CHRDL1: variants seen among roughly 807,000 people sequenced by gnomAD.
CHRDL1 encodes chordin-like protein 1.
In CHRDL1, 19 loss-of-function variants were observed where a neutral mutation model predicts 40.9. The observed-to-expected ratio is 0.46, with a 90% CI of 0.32 to 0.68. The LOEUF (loss-of-function observed/expected upper bound fraction) is 0.68. CHRDL1 is among the 30% of genes least tolerant of loss of function. The pLI is 0.03. For missense variants in CHRDL1, 329 were observed against 352.1 expected (o/e 0.93, Z 0.53); for synonymous variants, 136 against 123.4 (o/e 1.10, Z -0.68).
chrX:110,698,498 ATATT>A (rs1356826436), intron 7 of CHRDL1, among the ~76,000 whole-genome samples: 1 of 112,294 alleles, frequency 8.9e-6, no homozygotes, highest in Non-Finnish European at 1.9e-5. Flanking sequence ...ACAAAGGGAA[ATATT>A]TATTTATAAT....
intron 4 of CHRDL1, among the ~76,000 whole-genome samples, chrX:110,725,065 C>T (rs2071030906): frequency 8.9e-6 from 1 of 111,740 alleles, no homozygotes; most frequent in African/African-American, 3.3e-5. Context: ...CTTCTAACCT[C>T]CCCCATCTCT....
intron 4 of CHRDL1, among the ~76,000 whole-genome samples, chrX:110,741,897 G>A (rs2071367736): frequency 8.9e-6 from 1 of 111,785 alleles, no homozygotes; most frequent in African/African-American, 3.3e-5. Flanking sequence ...AGGGCTGCCT[G>A]GAGGAGCTAT....
chrX:110,679,915 T>C (rs1014437402), intron 10 of CHRDL1, among the ~76,000 whole-genome samples: 2 of 112,124 alleles, frequency 1.8e-5, no homozygotes, highest in African/African-American at 3.2e-5. Context: ...CTGAAAAGCA[T>C]ATTTTCCTTT....
At chrX:110,732,092 T>C (rs779686201) in intron 4 of CHRDL1, among the ~76,000 whole-genome samples, 1 of 110,449 alleles carries the variant, frequency 9.1e-6, no homozygotes, top group African/African-American at 3.3e-5. Context: ...TGAAGGTGTT[T>C]TGTAGGTGAT....
intron 8 of CHRDL1, among the ~76,000 whole-genome samples, chrX:110,689,073 T>C (rs1569461197): frequency 2.8e-3 from 3 of 1,055 alleles, no homozygotes; most frequent in African/African-American, 0.012. Context: ...TATATATATG[T>C]ATATATATAT....
chrX:110,719,687 T>C, intron 6 of CHRDL1, 148 bp downstream of exon 6: 1 of 329,031 alleles, frequency 3.0e-6, no homozygotes, highest in East Asian at 4.5e-5. Flanking sequence ...TTATTTATTT[T>C]TCCCTTTGTT....
intron 6 of CHRDL1, among the ~76,000 whole-genome samples, chrX:110,705,343 AT>A (rs2070609061): frequency 1.9e-4 from 1 of 5,318 alleles, no homozygotes; most frequent in African/African-American, 5.4e-3. Flanking sequence ...ATATATACAC[AT>A]ATATATATAT....
intron 6 of CHRDL1, among the ~76,000 whole-genome samples, chrX:110,704,312 A>C (rs1198799852): frequency 9.0e-6 from 1 of 111,632 alleles, no homozygotes; most frequent in Non-Finnish European, 1.9e-5. Flanking sequence ...TAAACAGTAA[A>C]AATTCAAAAA....
intron 10 of CHRDL1, among the ~76,000 whole-genome samples, chrX:110,680,330 G>A (rs2069868259): frequency 8.9e-6 from 1 of 111,753 alleles, no homozygotes; most frequent in African/African-American, 3.3e-5. Flanking sequence ...AGTTAAAGAT[G>A]GCAAATCAAC....
chrX:110,734,157 T>C (rs778159708), intron 4 of CHRDL1, among the ~76,000 whole-genome samples: 1 of 111,222 alleles, frequency 9.0e-6, no homozygotes, highest in Non-Finnish European at 1.9e-5. Context: ...CGATTTCTTC[T>C]GGGAAAAGGG....
intron 8 of CHRDL1, among the ~76,000 whole-genome samples, chrX:110,689,841 A>C (rs777786634): frequency 1.6e-5 from 1 of 61,654 alleles, no homozygotes; most frequent in African/African-American, 8.8e-5. Flanking sequence ...ATCTATATAT[A>C]TCTATATATC....
At chrX:110,775,988 T>C (rs1413852727) in intron 2 of CHRDL1, among the ~76,000 whole-genome samples, 2 of 111,632 alleles carry the variant, frequency 1.8e-5, no homozygotes, top group Non-Finnish European at 3.8e-5. Flanking sequence ...ACTGCATGTG[T>C]AGAACAGATA....
chrX:110,794,531 T>G (rs2090152909), intron 1 of CHRDL1, among the ~76,000 whole-genome samples: 1 of 112,333 alleles, frequency 8.9e-6, no homozygotes, highest in Non-Finnish European at 1.9e-5. Flanking sequence ...GAAAGAGAAA[T>G]GTATCAAGTA....
intron 10 of CHRDL1, 140 bp from the exon 11 acceptor site, chrX:110,679,565 C>T (rs1394971332): frequency 8.6e-6 from 4 of 464,180 alleles, no homozygotes; most frequent in African/African-American, 7.3e-5. Flanking sequence ...ATGTGCTTAA[C>T]CAGGAACTTG....
chrX:110,772,292 T>G (rs1474171846), intron 2 of CHRDL1, among the ~76,000 whole-genome samples: 1 of 112,501 alleles, frequency 8.9e-6, no homozygotes, highest in East Asian at 2.8e-4. Flanking sequence ...GCAAAGAAAG[T>G]AGAATAGCCA....
At chrX:110,718,047 C>A (rs908641203) in intron 6 of CHRDL1, among the ~76,000 whole-genome samples, 1 of 112,048 alleles carries the variant, frequency 8.9e-6, no homozygotes, top group East Asian at 2.8e-4. Flanking sequence ...AGACACTGTG[C>A]CAGGTCCTTC....
intron 8 of CHRDL1, among the ~76,000 whole-genome samples, chrX:110,689,153 G>A (rs2070100957): frequency 1.0e-5 from 1 of 96,100 alleles, no homozygotes; most frequent in South Asian, 5.2e-4. Flanking sequence ...GGTTGCAGTG[G>A]TGTGATTGTG....
intron 6 of CHRDL1, among the ~76,000 whole-genome samples, chrX:110,712,997 A>G (rs1042543135): frequency 7.2e-5 from 8 of 111,596 alleles, no homozygotes; most frequent in African/African-American, 2.6e-4. Flanking sequence ...TGGTGGGATC[A>G]GAAGTTGGGG....
At chrX:110,770,541 C>T (rs2089736956) in intron 2 of CHRDL1, among the ~76,000 whole-genome samples, 1 of 110,597 alleles carries the variant, frequency 9.0e-6, no homozygotes, top group Non-Finnish European at 1.9e-5. Flanking sequence ...GAGCAGAAAT[C>T]AATGAAATTG....
Sources: gnomAD v4.1 joint callset for allele counts (sites outside exome capture counted in the v4.1 genomes callset) on GRCh38, gnomAD v4.1.1 for gene constraint, MANE v1.5 for transcripts, NCBI Gene and HGNC (gene_info 2026-07-23, HGNC 2026-07-21) for gene names.